ZNF587B: variants seen among roughly 807,000 people sequenced by gnomAD.
The protein encoded by ZNF587B is zinc finger protein 587B.
Under a neutral mutation model 7.2 loss-of-function variants are expected in ZNF587B, and 6 were observed. That is an observed-to-expected ratio of 0.83 (90% CI 0.46 to 1.65). The LOEUF (loss-of-function observed/expected upper bound fraction) is 1.65, where lower values mean the gene tolerates loss of function less well. ZNF587B is among the 40% of genes most tolerant of loss of function. The pLI is 0.01. For missense variants in ZNF587B, 749 were observed against 761.0 expected, an observed-to-expected ratio of 0.98 and a Z score of 0.19; for synonymous variants, 274 against 254.3, an observed-to-expected ratio of 1.08 and a Z score of -0.74.
At position 57,842,233 on chromosome 19, in the gene ZNF587B, G is replaced by C; in HGVS notation, c.1559G>C (p.Arg520Thr). 1.2e-6 allele frequency: 2 copies of C among 1,613,338 alleles called. No homozygotes were observed. The highest frequency in any genetic ancestry group is 1.7e-6 in the Non-Finnish European group (2 of 1,179,586). Residue 520 changes from arginine to threonine, a missense_variant, in exon 3 of 3, where the codon AGG (arginine) becomes ACG (threonine). Physicochemically the swap from Arg to Thr is moderately conservative, Grantham distance 71. Around this residue, in one of 3 missense-constraint regions of ZNF587B, gnomAD observed 656 missense variants for 596.5 expected, o/e 1.10. Coordinates refer to ENST00000594901, the MANE Select transcript of ZNF587B (RefSeq NM_001376223.1). The part of the protein sequence containing the change: ...TAHQRVHTGE[R>T]PYECSDCGKS... ...CACCAGAGAGTTCACACTGGAGAAA[G>C]GCCATATGAATGCAGTGATTGTGGG...
intron 1 of ZNF587B, among the ~76,000 whole-genome samples, chr19:57,831,598 A>G (rs1184544434): frequency 6.6e-6 from 1 of 151,780 alleles, no homozygotes. Context: ...TTCTCCATGT[A>G]GGTCAGGCTG....
At chr19:57,840,772 T>A in intron 2 of ZNF587B, 66 bp from the exon 3 acceptor site, 3 of 1,603,528 alleles carry the variant, frequency 1.9e-6, no homozygotes, top group Non-Finnish European at 2.6e-6. Context: ...TCACATACAC[T>A]TGTGGGTGGT....
chr19:57,841,981 G>T lies in ZNF587B; in HGVS notation c.1307G>T (p.Arg436Ile), dbSNP rs745972994. ...CATCAGCGAGTTCACACTACAGAAA[G>T]ACCTTATAAGTGTGGGGAATGTGGG... ...RSHQRVHTTERPYKCGECGKC... is the reference protein window; with the variant it reads ...RSHQRVHTTEIPYKCGECGKC... The change falls in exon 3 of 3, where the codon AGA (arginine) becomes ATA (isoleucine). Residue 436 changes from arginine to isoleucine, a missense_variant. Coordinates refer to ENST00000594901, the MANE Select transcript of ZNF587B (RefSeq NM_001376223.1). 1 of 1,608,580 alleles carries T rather than the reference G, an allele frequency of 6.2e-7. No individual in the cohort carries two copies. The highest frequency in any genetic ancestry group is 8.5e-7 in the Non-Finnish European group (1 of 1,177,302).
At position 57,832,376 on chromosome 19, in the gene ZNF587B, T is replaced by C. The variant is rs181411909; in HGVS notation, c.36+1812T>C. On this transcript the variant is annotated intron_variant, in intron 1 of 2. Coordinates refer to ENST00000594901, the MANE Select transcript of ZNF587B (RefSeq NM_001376223.1). ...TTGGGATTACAGGCGTGAGCCACTGTGCCCGGCCAATTCTATTTAATTATT... is the reference window on the plus strand; with the variant it reads ...TTGGGATTACAGGCGTGAGCCACTGCGCCCGGCCAATTCTATTTAATTATT... Among the ~76,000 whole-genome samples the C allele has an allele frequency of 1.9e-3, 286 of 152,388 alleles. 1 individual carries two copies. Among genetic ancestry groups the C allele is most frequent in the Non-Finnish European group, 4.1e-4 (28 of 68,038 alleles).
rs766961935 is a variant in ZNF587B, at chr19:57,842,238, T to C, written c.1564T>C (p.Tyr522His). Residue 522 changes from tyrosine (Y) to histidine (H), a missense_variant, in exon 3 of 3, where the codon TAT (tyrosine) becomes CAT (histidine). This residue lies in a region of ZNF587B where 656 missense variants were observed against 596.5 expected (regional missense o/e 1.10). Coordinates refer to ENST00000594901, the MANE Select transcript of ZNF587B (RefSeq NM_001376223.1). Reference sequence around the variant, plus strand: ...GAGAGTTCACACTGGAGAAAGGCCATATGAATGCAGTGATTGTGGGAAGTC... The same window carrying C: ...GAGAGTTCACACTGGAGAAAGGCCACATGAATGCAGTGATTGTGGGAAGTC... The part of the protein sequence containing the change: ...HQRVHTGERP[Y>H]ECSDCGKSFT... The C allele has an allele frequency of 6.2e-7, 1 of 1,613,714 alleles. No individual in the cohort carries two copies. The highest frequency in any genetic ancestry group is 2.2e-5 in the East Asian group (1 of 44,880).
rs551982428 is a variant in ZNF587B, at chr19:57,839,124, G to A, written c.138G>A (p.Glu46=). 297 of 1,614,204 alleles carry A rather than the reference G, an allele frequency of 1.8e-4. No homozygotes were observed. In the Middle Eastern group the frequency reaches 4.5e-3, roughly 24 times the overall value. The change falls in exon 2 of 3, where the codon GAG becomes GAA. Residue 46 remains glutamate (E), a synonymous_variant. Transcript: ENST00000594901. Reference sequence around the variant, plus strand: ...GCCTGTACCGTGATGTGACTCTGGAGAACCTGGCACTTATGTCCTCCCTGG... The same window carrying A: ...GCCTGTACCGTGATGTGACTCTGGAAAACCTGGCACTTATGTCCTCCCTGG... ...QRCLYRDVTL[E]NLALMSSLGC...
intron 1 of ZNF587B, among the ~76,000 whole-genome samples, chr19:57,836,310 A>G (rs1288253067): frequency 1.3e-5 from 2 of 152,200 alleles, no homozygotes; most frequent in African/African-American, 2.4e-5. Context: ...TCCTTTTAGG[A>G]TCCAATAGAA....
chr19:57,843,526 C>G lies in ZNF587B; in HGVS notation c.*950C>G. ...TATTCTAGAAGTATATTTTGGTTGTCTCCCATTCACGAGAGATTTTTTTTT... is the reference window on the plus strand; with the variant it reads ...TATTCTAGAAGTATATTTTGGTTGTGTCCCATTCACGAGAGATTTTTTTTT... On this transcript the variant is annotated 3_prime_UTR_variant, in exon 3 of 3. Coordinates refer to ENST00000594901, the MANE Select transcript of ZNF587B (RefSeq NM_001376223.1). 1 of 981,776 alleles carries G rather than the reference C, an allele frequency of 1.0e-6. No individual in the cohort carries two copies. Among genetic ancestry groups the G allele is most frequent in the Non-Finnish European group, 1.2e-6 (1 of 829,448 alleles). The allele number at this position is 981,776 out of a possible 1,614,324, so 60.8% of individuals were successfully genotyped here.
At position 57,837,518 on chromosome 19, in the gene ZNF587B, G is replaced by A. The variant is rs58445041; in HGVS notation, c.37-1505G>A. Among the ~76,000 whole-genome samples the A allele has an allele frequency of 8.1e-3, 1,219 of 150,636 alleles. 15 individuals are homozygous for A. Among genetic ancestry groups the A allele is most frequent in the African/African-American group, 0.028 (1,134 of 41,006 alleles). On this transcript the variant is annotated intron_variant, in intron 1 of 2. Coordinates refer to ENST00000594901, the MANE Select transcript of ZNF587B (RefSeq NM_001376223.1). The stretch of plus-strand genomic sequence containing the variant: ...GGCTGGAGTGCAGTGGTGCTATTTC[G>A]GCTCACTGCAAGCTCCGCCTCCCAG...
Position 57,841,003 on chromosome 19 carries a change from A to G in ZNF587B, c.329A>G (p.His110Arg). ...GGAGACATTTTGCATGTGGCAGATCATCAGGGAACACATCACAAGCAGAAA... is the reference window on the plus strand; with the variant it reads ...GGAGACATTTTGCATGTGGCAGATCGTCAGGGAACACATCACAAGCAGAAA... ...ILGDILHVAD[H>R]QGTHHKQKLH... The change falls in exon 3 of 3, where the codon CAT becomes CGT. Residue 110 changes from histidine (H) to arginine (R), a missense_variant. His to Arg is a conservative substitution (Grantham distance 29). This residue lies in a region of ZNF587B where 72 missense variants were observed against 147.8 expected (regional missense o/e 0.49). Transcript: ENST00000594901. 1.2e-6 allele frequency: 2 copies of G among 1,604,552 alleles called. No homozygotes were observed. The highest frequency in any genetic ancestry group is 1.7e-6 in the Non-Finnish European group (2 of 1,174,342).
rs1297723265 is a variant in ZNF587B at position 57,843,563 on chromosome 19, TTTGG to T, written c.*1011_*1014del. On this transcript the variant is annotated 3_prime_UTR_variant, in exon 3 of 3. Coordinates refer to ENST00000594901, the MANE Select transcript of ZNF587B (RefSeq NM_001376223.1). ...AGAGATTTTTTTTTTAAGTTTTTTG[TTTGG>T]TTGGTTGGTTGGTTGGTTGGTTGTT... 5.8e-4 allele frequency: 547 copies of T among 947,676 alleles called. 2 individuals are homozygous for T. In the East Asian group the frequency reaches 9.5e-3, roughly 16 times the overall value. 58.7% of individuals were successfully genotyped at this position (947,676 alleles called of 1,614,324 possible).
In ZNF587B at chr19:57,842,469, G is replaced by A. The variant is rs770269265; in HGVS notation, c.1795G>A (p.Val599Ile). ...CTCCAGTCTCACTAATCACAGGAGAGTTCACACTGGAGAAAAGCCTTATGG... is the reference window on the plus strand; with the variant it reads ...CTCCAGTCTCACTAATCACAGGAGAATTCACACTGGAGAAAAGCCTTATGG... ...GISSLTNHRRVHTGEKPYGCS... is the reference protein window; with the variant it reads ...GISSLTNHRRIHTGEKPYGCS... The change falls in exon 3 of 3, where the codon GTT (valine) becomes ATT (isoleucine). Residue 599 changes from valine (V) to isoleucine (I), a missense_variant. Physicochemically the swap from Val to Ile is conservative, Grantham distance 29. Transcript: ENST00000594901. 6.3e-7 allele frequency: 1 copy of A among 1,595,394 alleles called. No homozygotes were observed. Among genetic ancestry groups the A allele is most frequent in the Admixed American group, 1.8e-5 (1 of 55,516 alleles).
In ZNF587B at chr19:57,842,968, T is replaced by C. The variant is rs758670039; in HGVS notation, c.*392T>C. Reference sequence around the variant, plus strand: ...TGAGATGAGAAAAACACTGTAGATGTATAGGTTAGATATATAGGGAATGTT... The same window carrying C: ...TGAGATGAGAAAAACACTGTAGATGCATAGGTTAGATATATAGGGAATGTT... On this transcript the variant is annotated 3_prime_UTR_variant, in exon 3 of 3. Transcript: ENST00000594901. The C allele has an allele frequency of 1.9e-5, 19 of 985,316 alleles. No individual in the cohort carries two copies. The highest frequency in any genetic ancestry group is 2.2e-5 in the Non-Finnish European group (18 of 829,858). 61.0% of individuals were successfully genotyped at this position (985,316 alleles called of 1,614,324 possible).
chr19:57,839,175 A>T, intron 2 of ZNF587B, 26 bp downstream of exon 2: 1 of 1,613,172 alleles, frequency 6.2e-7, no homozygotes, highest in South Asian at 1.1e-5. Context: ...TCACCCTGTG[A>T]CTTGAGCTAG....
At chr19:57,830,679 TTA>T in intron 1 of ZNF587B, 115 bp downstream of exon 1, 2 of 1,204,790 alleles carry the variant, frequency 1.7e-6, no homozygotes, top group East Asian at 2.6e-5. Flanking sequence ...TGCTGAGTTT[TTA>T]TTAGGAGTGA....
chr19:57,839,775 G>A (rs1263551697), intron 2 of ZNF587B, among the ~76,000 whole-genome samples: 1 of 152,010 alleles, frequency 6.6e-6, no homozygotes, highest in Non-Finnish European at 1.5e-5. Context: ...CAGAAGGAGT[G>A]AGTCCCTAAA....
rs759030956 is a variant in ZNF587B, at chr19:57,843,329, T to C, written c.*753T>C. On this transcript the variant is annotated 3_prime_UTR_variant, in exon 3 of 3. Coordinates refer to ENST00000594901, the MANE Select transcript of ZNF587B (RefSeq NM_001376223.1). ...CTGTGTAACATGGGAGGAGATCCTT[T>C]GAGGGCACCATGTGCCCAAATTGAA... The C allele has an allele frequency of 5.1e-6, 5 of 985,302 alleles. No homozygotes were observed. Among genetic ancestry groups the C allele is most frequent in the Non-Finnish European group, 6.0e-6 (5 of 829,936 alleles). The allele number at this position is 985,302 out of a possible 1,614,324, so 61.0% of individuals were successfully genotyped here.
chr19:57,840,533 A>G (rs1277083736), intron 2 of ZNF587B, among the ~76,000 whole-genome samples: 1 of 152,076 alleles, frequency 6.6e-6, no homozygotes, highest in Non-Finnish European at 1.5e-5. Context: ...TCTCTACAGC[A>G]CTCACATGTC....
Position 57,841,562 on chromosome 19 carries a change from AC to A in ZNF587B, c.890del (p.Pro297LeufsTer13). The part of the protein sequence containing the change: ...QHQQFHTGGK[P>X]YGCEECGKYF... The stretch of plus-strand genomic sequence containing the variant: ...ATCAGCAATTTCACACTGGAGGAAA[AC>A]CTTATGGGTGTGAAGAATGTGGGAA... On this transcript the variant is annotated frameshift_variant, in exon 3 of 3. Transcript: ENST00000594901. LOFTEE classifies it low-confidence loss of function (END_TRUNC). 6.3e-7 allele frequency: 1 copy of A among 1,578,744 alleles called. No individual in the cohort carries two copies. The highest frequency in any genetic ancestry group is 8.6e-7 in the Non-Finnish European group (1 of 1,161,852).
Sources: gnomAD v4.1 joint callset for allele counts (sites outside exome capture counted in the v4.1 genomes callset) on GRCh38, gnomAD v4.1.1 for gene constraint, gnomAD v4.1.1 regional missense constraint, MANE v1.5 for transcripts, NCBI Gene and HGNC (gene_info 2026-07-23, HGNC 2026-07-21) for gene names.